AHNAK: variants seen among roughly 807,000 people sequenced by gnomAD.
AHNAK encodes the protein AHNAK nucleoprotein.
Under a neutral mutation model 37.8 loss-of-function variants are expected in AHNAK, and 23 were observed. That is an observed-to-expected ratio of 0.61 (90% CI 0.44 to 0.86). The LOEUF is 0.86. AHNAK is among the 40% of genes least tolerant of loss of function. AHNAK has a pLI of 0.00. For synonymous variants in AHNAK, 2,481 were observed against 2,636.3 expected (o/e 0.94, Z 1.80); for missense variants, 7,411 against 7,319.4 (o/e 1.01, Z -0.46).
intron 5 of AHNAK, among the ~76,000 whole-genome samples, chr11:62,462,178 A>G (rs1470189582): frequency 6.6e-6 from 1 of 151,980 alleles, no homozygotes; most frequent in Non-Finnish European, 1.5e-5. Flanking sequence ...TACCTTCCCA[A>G]CTTTCCCTCT....
At chr11:62,493,700 G>A (rs1209298025) in intron 4 of AHNAK, among the ~76,000 whole-genome samples, 1 of 151,758 alleles carries the variant, frequency 6.6e-6, no homozygotes, top group Non-Finnish European at 1.5e-5. Context: ...TGAACTCCTG[G>A]GCTCAAGTGA....
chr11:62,543,338 G>A (rs540286111), intron 1 of AHNAK, among the ~76,000 whole-genome samples: 13 of 152,126 alleles, frequency 8.5e-5, no homozygotes, highest in South Asian at 2.1e-4. Context: ...CTCCAAGCCC[G>A]ATGACAACGC....
chr11:62,494,168 T>A (rs1185562697), intron 4 of AHNAK, among the ~76,000 whole-genome samples: 1 of 152,112 alleles, frequency 6.6e-6, no homozygotes, highest in East Asian at 1.9e-4. Flanking sequence ...ATTAATCCCA[T>A]CTCACTGATT....
chr11:62,491,771 T>A (rs1159926540), exon 5 of AHNAK: 2 of 1,613,006 alleles, frequency 1.2e-6, no homozygotes, highest in African/African-American at 2.7e-5. Context: ...CCGGCTTGGC[T>A]GCTGGCTTCC....
chr11:62,543,492 G>C (rs541610797), intron 1 of AHNAK, among the ~76,000 whole-genome samples: 2 of 152,310 alleles, frequency 1.3e-5, no homozygotes, highest in East Asian at 3.9e-4. Flanking sequence ...AGCCACAGTG[G>C]GACGACACCT....
chr11:62,522,114 A>G lies in AHNAK; in HGVS notation c.12303T>C (p.Pro4101=). ...CTTCTGGACCATGAATATCAATATC[A>G]GGAGTGTCAATGTCCACTTTGGGTC... ...VSGPKVDIDT[P]DIDIHGPEGK... The change falls in exon 5 of 5, where the codon CCT becomes CCC. Residue 4101 remains proline, a synonymous_variant. Coordinates refer to ENST00000378024, the MANE Select transcript of AHNAK (RefSeq NM_001620.3). The G allele has an allele frequency of 6.2e-7, 1 of 1,613,160 alleles. No individual in the cohort carries two copies. The highest frequency in any genetic ancestry group is 8.5e-7 in the Non-Finnish European group (1 of 1,179,804).
rs746531727 is a variant in AHNAK at position 62,527,746 on chromosome 11, T to C, written c.6671A>G (p.Lys2224Arg). The C allele has an allele frequency of 4.3e-6, 7 of 1,614,054 alleles. No individual in the cohort carries two copies. The African/African-American group carries it at 8.0e-5, about 18-fold the overall frequency. ...CACATCTGGGGCATCAATGTCCACT[T>C]TGGGCCCTCTGATGTCAACATCTGG... ...KVPDVDIRGP[K>R]VDIDAPDVDV... Residue 2224 changes from lysine (K) to arginine (R), a missense_variant, in exon 5 of 5, where the codon AAA (lysine) becomes AGA (arginine). Physicochemically the swap from Lys to Arg is conservative, Grantham distance 26 (BLOSUM62 2). Coordinates refer to ENST00000378024, the MANE Select transcript of AHNAK (RefSeq NM_001620.3).
chr11:62,473,897 G>C (rs566912065), intron 5 of AHNAK, among the ~76,000 whole-genome samples: 1 of 151,690 alleles, frequency 6.6e-6, no homozygotes, highest in Non-Finnish European at 1.5e-5. Flanking sequence ...CTACTCGGGA[G>C]GCTAAGGTAG....
chr11:62,533,165 G>C lies in AHNAK; in HGVS notation c.1252C>G (p.Pro418Ala). ...ITGPSVEVQAPDIDVQGPGSK... is the reference protein window; with the variant it reads ...ITGPSVEVQAADIDVQGPGSK... ...CCAGGCCCCTGAACATCAATGTCAGGGGCCTGAACTTCCACACTGGGGCCA... is the reference window on the plus strand; with the variant it reads ...CCAGGCCCCTGAACATCAATGTCAGCGGCCTGAACTTCCACACTGGGGCCA... The change falls in exon 5 of 5, where the codon CCT (proline) becomes GCT (alanine). Residue 418 changes from proline to alanine, a missense_variant. By Grantham distance (27) the Pro-to-Ala change is conservative. Coordinates refer to ENST00000378024, the MANE Select transcript of AHNAK (RefSeq NM_001620.3). 6.5e-7 allele frequency: 1 copy of C among 1,535,692 alleles called. No individual in the cohort carries two copies. Among genetic ancestry groups the C allele is most frequent in the Non-Finnish European group, 8.7e-7 (1 of 1,147,488 alleles).
chr11:62,531,830 C>G lies in AHNAK; in HGVS notation c.2587G>C (p.Val863Leu). ...GGGCCTTGAACCTCCACATCTGGGA[C>G]ATCAATGTCCATTTTGGCACTTTTA... ...ELKSAKMDID[V>L]PDVEVQGPDW... is the part of the protein sequence containing the mutation. The change falls in exon 5 of 5, where the codon GTC (valine) becomes CTC (leucine). Residue 863 changes from valine to leucine, a missense_variant. By Grantham distance (32) the Val-to-Leu change is conservative. Coordinates refer to ENST00000378024, the MANE Select transcript of AHNAK (RefSeq NM_001620.3). 1 of 1,613,696 alleles carries G rather than the reference C, an allele frequency of 6.2e-7. No homozygotes were observed. Among genetic ancestry groups the G allele is most frequent in the Non-Finnish European group, 8.5e-7 (1 of 1,179,972 alleles).
chr11:62,513,642 C>T (rs748242910), downstream of AHNAK, among the ~76,000 whole-genome samples: 11 of 152,094 alleles, frequency 7.2e-5, no homozygotes, highest in African/African-American at 2.2e-4. Context: ...AGCTGGGGTG[C>T]GCCCTCCACA....
intron 4 of AHNAK, among the ~76,000 whole-genome samples, chr11:62,508,386 G>A (rs1467017269): frequency 2.0e-5 from 3 of 152,198 alleles, no homozygotes; most frequent in Non-Finnish European, 4.4e-5. Context: ...TTGTAAGATA[G>A]GGTCAGCAAA....
At chr11:62,504,392 T>C (rs1437314444) in intron 4 of AHNAK, among the ~76,000 whole-genome samples, 1 of 151,944 alleles carries the variant, frequency 6.6e-6, no homozygotes, top group East Asian at 1.9e-4. Context: ...CTAGAATTTA[T>C]TTTCTAGGAA....
intron 5 of AHNAK, among the ~76,000 whole-genome samples, chr11:62,439,163 C>T (rs1444438374): frequency 6.8e-6 from 1 of 147,328 alleles, no homozygotes; most frequent in Non-Finnish European, 1.5e-5. Context: ...GCGTGATCTC[C>T]GCTCACTGCA....
chr11:62,451,173 T>C (rs918111490), intron 5 of AHNAK, among the ~76,000 whole-genome samples: 15 of 151,012 alleles, frequency 9.9e-5, no homozygotes, highest in African/African-American at 3.6e-4. Flanking sequence ...TTCCGCCTCC[T>C]GGCTTCAAAG....
chr11:62,492,924 G>A (rs192395815), intron 4 of AHNAK, among the ~76,000 whole-genome samples: 3 of 133,632 alleles, frequency 2.2e-5, no homozygotes, highest in African/African-American at 1.1e-4. Context: ...TAACCCAAAG[G>A]TTACATGAAA....
intron 5 of AHNAK, among the ~76,000 whole-genome samples, chr11:62,478,388 G>A (rs1939193344): frequency 6.6e-6 from 1 of 152,182 alleles, no homozygotes; most frequent in Non-Finnish European, 1.5e-5. Flanking sequence ...CTTTGATTTT[G>A]TTCTTGTCCT....
At chr11:62,452,492 G>A (rs753254496) in intron 5 of AHNAK, among the ~76,000 whole-genome samples, 1 of 152,228 alleles carries the variant, frequency 6.6e-6, no homozygotes, top group Non-Finnish European at 1.5e-5. Context: ...GCTATTATTG[G>A]TTGTGTGGAC....
chr11:62,516,618 A>G lies in AHNAK; in HGVS notation c.*126T>C. On this transcript the variant is annotated 3_prime_UTR_variant, in exon 5 of 5. Coordinates refer to ENST00000378024, the MANE Select transcript of AHNAK (RefSeq NM_001620.3). Reference sequence around the variant, plus strand: ...GTTTTTCAGCGCTTGCCACCGGGCCAGGCAAGGTCTTTGCATGATTGCTGA... The same window carrying G: ...GTTTTTCAGCGCTTGCCACCGGGCCGGGCAAGGTCTTTGCATGATTGCTGA... 3 of 1,489,190 alleles carry G rather than the reference A, an allele frequency of 2.0e-6. No homozygotes were observed. The East Asian group carries it at 6.9e-5, about 34-fold the overall frequency. The allele number at this position is 1,489,190 out of a possible 1,614,324, so 92.2% of individuals were successfully genotyped here.
Sources: gnomAD v4.1 joint callset for allele counts (sites outside exome capture counted in the v4.1 genomes callset) on GRCh38, gnomAD v4.1.1 for gene constraint, MANE v1.5 for transcripts, NCBI Gene and HGNC (gene_info 2026-07-23, HGNC 2026-07-21) for gene names.